Variants in PLXDC2 observed in about 807,000 individuals in gnomAD.
PLXDC2 encodes the protein plexin domain-containing protein 2.
PLXDC2 carries 40 observed loss-of-function variants against 68.9 expected under a neutral mutation model. That is an observed-to-expected ratio of 0.58 (90% CI 0.45 to 0.76). The LOEUF (loss-of-function observed/expected upper bound fraction) is 0.76, where lower values mean the gene tolerates loss of function less well. Among genes scored for constraint, PLXDC2 ranks in the 30% least tolerant of loss-of-function variants. PLXDC2 has a pLI of 0.00. For synonymous variants in PLXDC2, 243 were observed against 234.2 expected, an observed-to-expected ratio of 1.04 and a Z score of -0.34; for missense variants, 644 against 661.9, an observed-to-expected ratio of 0.97 and a Z score of 0.30.
intron 5 of PLXDC2, 81 bp from the exon 6 acceptor site, chr10:20,147,703 A>T (rs1456889028): frequency 1.5e-5 from 13 of 852,942 alleles, no homozygotes; most frequent in Non-Finnish European, 2.2e-5. Flanking sequence ...CAGATGCAAA[A>T]ACATTTTTGT....
chr10:20,252,993 T>C (rs1835698673), intron 13 of PLXDC2, among the ~76,000 whole-genome samples: 1 of 152,082 alleles, frequency 6.6e-6, no homozygotes, highest in Admixed American at 6.6e-5. Context: ...TAGAACTTTT[T>C]ATGGAGCTCT....
intron 13 of PLXDC2, 29 bp from the exon 14 acceptor site, chr10:20,279,674 A>G: frequency 6.3e-7 from 1 of 1,588,472 alleles, no homozygotes; most frequent in Non-Finnish European, 8.6e-7. Context: ...CCTGACGCAC[A>G]TTTTTTATTT....
At chr10:20,249,489 A>C (rs536541427) in intron 13 of PLXDC2, among the ~76,000 whole-genome samples, 1 of 152,232 alleles carries the variant, frequency 6.6e-6, no homozygotes, top group South Asian at 2.1e-4. Flanking sequence ...CAGCTTCCAC[A>C]TGCCGCATGT....
intron 9 of PLXDC2, among the ~76,000 whole-genome samples, chr10:20,206,386 G>C (rs571633610): frequency 6.6e-6 from 1 of 152,218 alleles, no homozygotes; most frequent in South Asian, 2.1e-4. Flanking sequence ...AAGGGTTGCT[G>C]AATCTGCTGG....
At chr10:20,189,510 TACAC>T (rs1282379400) in intron 9 of PLXDC2, among the ~76,000 whole-genome samples, 1 of 110,898 alleles carries the variant, frequency 9.0e-6, no homozygotes, top group East Asian at 2.9e-4. Flanking sequence ...TATATACACA[TACAC>T]ACACATATAT....
chr10:19,946,146 G>C (rs1049134301), intron 1 of PLXDC2, among the ~76,000 whole-genome samples: 2 of 152,110 alleles, frequency 1.3e-5, no homozygotes, highest in African/African-American at 4.8e-5. Context: ...AGTTGAATCT[G>C]CTGATTCCTC....
At chr10:20,052,722 C>CAAAAAAAAAAAAAAAAGA (rs1835925101) in intron 3 of PLXDC2, among the ~76,000 whole-genome samples, 1 of 92,816 alleles carries the variant, frequency 1.1e-5, no homozygotes, top group African/African-American at 3.8e-5. Flanking sequence ...ACAAATTATG[C>CAAAAAAAAAAAAAAAAGA]AAAAAAAAAA....
chr10:20,170,007 G>T (rs1444312521), intron 7 of PLXDC2, among the ~76,000 whole-genome samples: 1 of 152,008 alleles, frequency 6.6e-6, no homozygotes, highest in African/African-American at 2.4e-5. Context: ...ATGCACCTTT[G>T]CTTGGCTGGT....
intron 1 of PLXDC2, among the ~76,000 whole-genome samples, chr10:19,910,885 C>T (rs1478057230): frequency 2.0e-5 from 3 of 152,038 alleles, no homozygotes; most frequent in African/African-American, 7.2e-5. Flanking sequence ...TGGCAGGTGC[C>T]TGTAATCCCA....
At chr10:19,851,609 A>G (rs574976869) in intron 1 of PLXDC2, among the ~76,000 whole-genome samples, 241 of 152,224 alleles carry the variant, frequency 1.6e-3, no homozygotes, top group Admixed American at 2.7e-3. Flanking sequence ...GCAGTGGCAC[A>G]ATCTTGGCTC....
rs1265480887 is a variant in PLXDC2 at position 19,894,781 on chromosome 10, A to T, written c.112+77590A>T. Among the ~76,000 whole-genome samples the T allele has an allele frequency of 2.0e-5, 3 of 152,186 alleles. No individual in the cohort carries two copies. The East Asian group carries it at 5.8e-4, about 29-fold the overall frequency. ...AGATCATTAAAAAGTCAGGAAACAG[A>T]TGATGGAGAGGATATGGAGAAATAG... On this transcript the variant is annotated intron_variant, in intron 1 of 13. Coordinates refer to ENST00000377252, the MANE Select transcript of PLXDC2 (RefSeq NM_032812.9).
chr10:19,987,707 G>T (rs1171598610), intron 1 of PLXDC2, among the ~76,000 whole-genome samples: 1 of 151,612 alleles, frequency 6.6e-6, no homozygotes, highest in Admixed American at 6.6e-5. Context: ...GACTATAGGC[G>T]CCCGCCACCA....
chr10:20,247,824 T>G (rs1157331869), intron 13 of PLXDC2, among the ~76,000 whole-genome samples: 1 of 152,198 alleles, frequency 6.6e-6, no homozygotes, highest in East Asian at 1.9e-4. Flanking sequence ...CCTAGGACAT[T>G]TCAGACTTCC....
At chr10:20,108,197 A>C (rs1391906423) in intron 4 of PLXDC2, among the ~76,000 whole-genome samples, 1 of 152,180 alleles carries the variant, frequency 6.6e-6, no homozygotes, top group African/African-American at 2.4e-5. Flanking sequence ...CCTTTGGCTC[A>C]ACTCCTTTCT....
chr10:20,027,429 A>G (rs1054338322), intron 2 of PLXDC2, among the ~76,000 whole-genome samples: 12 of 152,198 alleles, frequency 7.9e-5, no homozygotes, highest in African/African-American at 2.4e-4. Flanking sequence ...GCCTTCTACT[A>G]TGTGAGGATG....
At chr10:19,826,638 G>A (rs1385369803) in intron 1 of PLXDC2, among the ~76,000 whole-genome samples, 5 of 152,012 alleles carry the variant, frequency 3.3e-5, no homozygotes, top group Non-Finnish European at 1.5e-5. Context: ...TTCATATGCT[G>A]GTTTTGTTAA....
intron 1 of PLXDC2, among the ~76,000 whole-genome samples, chr10:19,819,031 T>TAC (rs63295361): frequency 0.13 from 19,151 of 147,712 alleles, 1,333 homozygotes; most frequent in Admixed American, 0.14. Context: ...AATATATGTA[T>TAC]ACACACACAC....
chr10:20,242,654 C>A (rs1835532132), intron 12 of PLXDC2, among the ~76,000 whole-genome samples: 1 of 152,096 alleles, frequency 6.6e-6, no homozygotes. Flanking sequence ...TTTATGATGG[C>A]AGATACTGAC....
At chr10:19,957,002 G>A (rs1238518688) in intron 1 of PLXDC2, among the ~76,000 whole-genome samples, 5 of 152,138 alleles carry the variant, frequency 3.3e-5, no homozygotes, top group East Asian at 1.9e-4. Flanking sequence ...GTGGGCACTG[G>A]CATAATTTGT....
Sources: gnomAD v4.1 joint callset for allele counts (sites outside exome capture counted in the v4.1 genomes callset) on GRCh38, gnomAD v4.1.1 for gene constraint, MANE v1.5 for transcripts, NCBI Gene and HGNC (gene_info 2026-07-23, HGNC 2026-07-21) for gene names.